INCENP: variants seen among roughly 807,000 people sequenced by gnomAD.
INCENP encodes the protein binds and activates aurora-B and -C in vivo and in vitro.
In INCENP, 43 loss-of-function variants were observed where a neutral mutation model predicts 107.3. The ratio of observed to expected loss-of-function variants is 0.40; its 90% CI spans 0.31 to 0.52. INCENP has a LOEUF of 0.52. INCENP is among the 20% of genes least tolerant of loss of function. The pLI is 0.53. For synonymous variants in INCENP, 488 were observed against 494.4 expected (o/e 0.99, Z 0.17); for missense variants, 1,089 against 1,250.9 (o/e 0.87, Z 1.95).
rs769392934 is a variant in INCENP at position 62,146,908 on chromosome 11, G to A, written c.2204+6G>A. ...GAGCGGCTCCAGGCCGAGAGGTGAG[G>A]GACCTGCTGGCCCGCCTGCCTGCCT... On this transcript the variant is annotated splice_donor_region_variant and intron_variant, in intron 15 of 18. Transcript: ENST00000394818. 1 of 1,600,504 alleles carries A rather than the reference G, an allele frequency of 6.2e-7. No individual in the cohort carries two copies. The highest frequency in any genetic ancestry group is 1.7e-5 in the Admixed American group (1 of 59,824).
chr11:62,126,439 G>C (rs943418540), intron 1 of INCENP, among the ~76,000 whole-genome samples: 1 of 152,082 alleles, frequency 6.6e-6, no homozygotes, highest in Non-Finnish European at 1.5e-5. Context: ...CTCGTGATCT[G>C]CCCACTTCGG....
At position 62,145,233 on chromosome 11, in the gene INCENP, G is replaced by A. The variant is rs1363372627; in HGVS notation, c.1780G>A (p.Glu594Lys). 1.2e-6 allele frequency: 2 copies of A among 1,614,136 alleles called. No individual in the cohort carries two copies. The highest frequency in any genetic ancestry group is 2.7e-5 in the African/African-American group (2 of 75,080). ...CGAGCGGGTGGAGCAGATGAAGGAG[G>A]AGAAGAAGAAGCAGATTGAGCAGAA... ...ARERVEQMKE[E>K]KKKQIEQKFA... Residue 594 changes from glutamate to lysine, a missense_variant, in exon 13 of 19, where the codon GAG (glutamate) becomes AAG (lysine). Physicochemically the swap from Glu to Lys is moderately conservative, Grantham distance 56 (BLOSUM62 1). Coordinates refer to ENST00000394818, the MANE Select transcript of INCENP (RefSeq NM_001040694.2).
intron 11 of INCENP, chr11:62,144,700 G>T: frequency 1.4e-6 from 1 of 712,954 alleles, no homozygotes; most frequent in Non-Finnish European, 2.6e-6. Context: ...ATCCTATTTG[G>T]AGCCTGACTT....
chr11:62,143,245 G>T (rs1944164626), intron 11 of INCENP, among the ~76,000 whole-genome samples: 1 of 149,916 alleles, frequency 6.7e-6, no homozygotes, highest in Admixed American at 6.8e-5. Context: ...GTTGCCATAG[G>T]ACTGCTTGTG....
chr11:62,145,695 G>A lies in INCENP; in HGVS notation c.1903G>A (p.Val635Met). ...GGCGGCGGCCAAGAAGATGGAGGAG[G>A]TGGAAGCACGCAGGAAGCAGGAAGA... ...KKAAAKKMEE[V>M]EARRKQEEEA... The change falls in exon 14 of 19, where the codon GTG becomes ATG. Residue 635 changes from valine (V) to methionine (M), a missense_variant. Val to Met is a conservative substitution (Grantham distance 21, BLOSUM62 1). Coordinates refer to ENST00000394818, the MANE Select transcript of INCENP (RefSeq NM_001040694.2). 1 of 1,565,352 alleles carries A rather than the reference G, an allele frequency of 6.4e-7. No individual in the cohort carries two copies. The highest frequency in any genetic ancestry group is 1.9e-5 in the Admixed American group (1 of 52,418).
chr11:62,132,913 A>G (rs1406271980), intron 4 of INCENP, among the ~76,000 whole-genome samples: 1 of 152,206 alleles, frequency 6.6e-6, no homozygotes, highest in African/African-American at 2.4e-5. Context: ...TTTCTGTGAA[A>G]TGGTGATAAC....
At chr11:62,145,317 G>A in intron 13 of INCENP, 28 bp downstream of exon 13, 1 of 1,613,092 alleles carries the variant, frequency 6.2e-7, no homozygotes, top group Non-Finnish European at 8.5e-7. Flanking sequence ...GGAGGCCCAG[G>A]CAATTCAGGA....
intron 17 of INCENP, among the ~76,000 whole-genome samples, chr11:62,149,159 G>T (rs559296363): frequency 5.7e-5 from 7 of 122,786 alleles, no homozygotes; most frequent in Admixed American, 5.4e-4. Context: ...CACACACACA[G>T]ATATCCTCTC....
chr11:62,145,842 G>A (rs986018560), intron 14 of INCENP, 91 bp downstream of exon 14: 44 of 1,427,390 alleles, frequency 3.1e-5, no homozygotes, highest in Admixed American at 1.2e-4. Flanking sequence ...CCCACCTTGT[G>A]GGGTTGACCC....
chr11:62,140,223 T>C lies in INCENP; in HGVS notation c.1292-11T>C, dbSNP rs781757062. The C allele has an allele frequency of 3.3e-5, 54 of 1,613,118 alleles. No homozygotes were observed. Among genetic ancestry groups the C allele is most frequent in the Non-Finnish European group, 4.2e-5 (49 of 1,179,474 alleles). On this transcript the variant is annotated splice_polypyrimidine_tract_variant and intron_variant, in intron 7 of 18. Coordinates refer to ENST00000394818, the MANE Select transcript of INCENP (RefSeq NM_001040694.2). ...GTTTCTGCAGCCTTGCTGAAATTGC[T>C]GTCTTCACAGAGGCCAAGACGGACC...
chr11:62,124,459 C>A (rs556338213), intron 1 of INCENP, among the ~76,000 whole-genome samples: 1 of 152,310 alleles, frequency 6.6e-6, no homozygotes, highest in East Asian at 1.9e-4. Flanking sequence ...GACTTGGACG[C>A]GCAGGAAGCC....
chr11:62,144,800 G>A (rs550545783), intron 11 of INCENP, 182 bp from the exon 12 acceptor site: 13 of 765,970 alleles, frequency 1.7e-5, no homozygotes, highest in East Asian at 4.9e-5. Context: ...GAGGAAAGGC[G>A]GGAGCTGCGG....
intron 1 of INCENP, among the ~76,000 whole-genome samples, chr11:62,127,902 CG>C (rs909357096): frequency 2.0e-5 from 3 of 148,778 alleles, no homozygotes; most frequent in Non-Finnish European, 4.5e-5. Flanking sequence ...GTCATGCTGG[CG>C]GGGGGGTGGG....
chr11:62,128,660 C>T (rs887073513), intron 2 of INCENP, 110 bp from the exon 3 acceptor site: 13 of 790,052 alleles, frequency 1.6e-5, no homozygotes, highest in African/African-American at 5.1e-5. Flanking sequence ...GTGCTGGACA[C>T]CCCAGCTTGA....
intron 5 of INCENP, 50 bp downstream of exon 5, chr11:62,137,933 G>A: frequency 6.5e-7 from 1 of 1,530,152 alleles, no homozygotes; most frequent in South Asian, 1.1e-5. Context: ...ACCAGGACAG[G>A]GAGCCAAGGT....
At chr11:62,134,817 C>T (rs779964384) in intron 4 of INCENP, among the ~76,000 whole-genome samples, 20 of 152,046 alleles carry the variant, frequency 1.3e-4, no homozygotes, top group Non-Finnish European at 2.8e-4. Flanking sequence ...ATTGGGAGGC[C>T]GAGGTGGGCA....
Position 62,150,059 on chromosome 11 carries a change from T to A in INCENP, c.2394T>A (p.Ser798=), listed in dbSNP as rs763776627. ...GACGGCCACGTTTGTTTTTGCAGTC[T>A]CCAGCTTGTACCTCATATCAGATGA... The part of the protein sequence containing the change: ...KALNVTVDVQ[S]PACTSYQMTP... The change falls in exon 18 of 19, where the codon TCT becomes TCA. Residue 798 remains serine, a splice_region_variant and synonymous_variant. Transcript: ENST00000394818. The A allele has an allele frequency of 2.5e-6, 4 of 1,613,788 alleles. No homozygotes were observed. In the Admixed American group the frequency reaches 6.7e-5, roughly 27 times the overall value.
intron 10 of INCENP, 140 bp from the exon 11 acceptor site, chr11:62,141,360 C>T: frequency 9.2e-7 from 1 of 1,088,148 alleles, no homozygotes; most frequent in Admixed American, 1.7e-5. Context: ...GGTTGGGTGA[C>T]AGGAGAGGCG....
chr11:62,148,586 G>T, intron 16 of INCENP, 32 bp downstream of exon 16: 2 of 1,577,958 alleles, frequency 1.3e-6, no homozygotes, highest in Non-Finnish European at 1.7e-6. Context: ...GCTCCCCTGG[G>T]GTCTGCCCTG....
Sources: allele counts gnomAD v4.1 joint callset (sites outside exome capture counted in the v4.1 genomes callset), GRCh38; gene constraint gnomAD v4.1.1; transcripts MANE v1.5; gene names NCBI Gene and HGNC (gene_info 2026-07-23, HGNC 2026-07-21).